Variants in NKIRAS1 observed in about 807,000 individuals in gnomAD.
NKIRAS1 encodes the protein NFKB inhibitor interacting Ras like 1.
NKIRAS1 carries 16 observed loss-of-function variants against 19.8 expected under a neutral mutation model. The ratio of observed to expected loss-of-function variants is 0.81; its 90% confidence interval spans 0.55 to 1.23. NKIRAS1 has a LOEUF of 1.23. Ranked by LOEUF, NKIRAS1 falls within the 50% of genes most tolerant of loss-of-function variation. The pLI is 0.00. For missense variants in NKIRAS1, 184 were observed against 220.0 expected (o/e 0.84, Z 1.04); for synonymous variants, 88 against 79.0 (o/e 1.11, Z -0.61).
chr3:23,921,129 A>G (rs1705054488), upstream of NKIRAS1, among the ~76,000 whole-genome samples: 1 of 148,662 alleles, frequency 6.7e-6, no homozygotes, highest in South Asian at 2.1e-4. Flanking sequence ...AGTGAGACCT[A>G]AAAACAAAAA....
upstream of NKIRAS1, chr3:23,918,642 C>T: frequency 1.9e-6 from 3 of 1,551,998 alleles, no homozygotes; most frequent in African/African-American, 1.4e-5. Context: ...AGAGATTAAG[C>T]AACTTTTCTG....
intron 1 of NKIRAS1, among the ~76,000 whole-genome samples, chr3:23,931,731 AGAG>A (rs557430449): frequency 7.1e-4 from 107 of 151,168 alleles, no homozygotes; most frequent in East Asian, 2.5e-3. Flanking sequence ...AGAGAGAGAG[AGAG>A]AGAAAGAAAG....
intron 4 of NKIRAS1, among the ~76,000 whole-genome samples, chr3:23,898,158 A>C (rs931718488): frequency 6.6e-6 from 1 of 152,170 alleles, no homozygotes; most frequent in Non-Finnish European, 1.5e-5. Context: ...TTTCGGTGGG[A>C]AAGATGGGAA....
chr3:23,916,402 C>T (rs544360297), intron 1 of NKIRAS1: 2 of 152,358 alleles, frequency 1.3e-5, no homozygotes, highest in South Asian at 2.1e-4. Flanking sequence ...GGCAAATAAA[C>T]ATTCTGCTCT....
intron 4 of NKIRAS1, among the ~76,000 whole-genome samples, chr3:23,898,378 T>C (rs528439257): frequency 6.6e-6 from 1 of 151,942 alleles, no homozygotes; most frequent in East Asian, 1.9e-4. Context: ...TGCAGTGACT[T>C]GGATGAATCT....
At chr3:23,909,863 T>TC (rs202091408) in intron 3 of NKIRAS1, among the ~76,000 whole-genome samples, 1 of 118,372 alleles carries the variant, frequency 8.4e-6, no homozygotes, top group Non-Finnish European at 1.9e-5. Context: ...TGTTTTTTTT[T>TC]GTTTTTTTTT....
intron 3 of NKIRAS1, among the ~76,000 whole-genome samples, chr3:23,906,265 GA>G (rs1180919930): frequency 6.6e-6 from 1 of 151,230 alleles, no homozygotes; most frequent in Non-Finnish European, 1.5e-5. Flanking sequence ...ACACAGCCAA[GA>G]AAAAAAATAG....
chr3:23,912,193 G>A lies in NKIRAS1; in HGVS notation c.-139-743C>T, dbSNP rs143824119. Among the ~76,000 whole-genome samples, 428 of 152,234 alleles carry A rather than the reference G, an allele frequency of 2.8e-3. 3 individuals carry two copies. The highest frequency in any genetic ancestry group is 0.01 in the African/African-American group (417 of 41,540). On this transcript the variant is annotated intron_variant, in intron 1 of 4. Coordinates refer to ENST00000425478, the MANE Select transcript of NKIRAS1 (RefSeq NM_020345.4). ...GCAACAAAAGCCAAAATAGACGAATGGGATCTAATTAAACTAAAGAGCTTC... is the reference window on the plus strand; with the variant it reads ...GCAACAAAAGCCAAAATAGACGAATAGGATCTAATTAAACTAAAGAGCTTC...
At chr3:23,916,607 C>T (rs72627082) in intron 1 of NKIRAS1, 177 bp downstream of exon 1, 1 of 152,336 alleles carries the variant, frequency 6.6e-6, no homozygotes, top group African/African-American at 2.4e-5. Context: ...CCGCGACGCC[C>T]CGACTCCGCG....
chr3:23,907,038 C>T (rs1703132265), intron 3 of NKIRAS1, among the ~76,000 whole-genome samples: 1 of 151,982 alleles, frequency 6.6e-6, no homozygotes, highest in Non-Finnish European at 1.5e-5. Context: ...AGATTACAGG[C>T]ACGTGCCACC....
chr3:23,899,120 C>T (rs1456489998), intron 4 of NKIRAS1, among the ~76,000 whole-genome samples: 1 of 152,028 alleles, frequency 6.6e-6, no homozygotes, highest in African/African-American at 2.4e-5. Flanking sequence ...CTTGAAATGA[C>T]ACAATTATAA....
Position 23,891,207 on chromosome 3 carries a change from G to A in NKIRAS1, c.*1888C>T, listed in dbSNP as rs919473621. 2.0e-5 allele frequency: 3 copies of A among 152,378 alleles called. No individual in the cohort carries two copies. Among genetic ancestry groups the A allele is most frequent in the African/African-American group, 7.2e-5 (3 of 41,456 alleles). The allele number at this position is 152,378 out of a possible 1,614,324, so 9.4% of individuals were successfully genotyped here. A position where few individuals can be genotyped will look rare whatever the true frequency, so the allele number is the denominator to read the frequency against. ...AAATACCTTAAGCTGTTAACTAACT[G>A]TAAGGCGTGGAATAGGAGTTGCTCA... On this transcript the variant is annotated 3_prime_UTR_variant, in exon 5 of 5. Coordinates refer to ENST00000425478, the MANE Select transcript of NKIRAS1 (RefSeq NM_020345.4).
intron 1 of NKIRAS1, among the ~76,000 whole-genome samples, chr3:23,940,194 G>T (rs7647644): frequency 7.4e-6 from 1 of 135,604 alleles, no homozygotes; most frequent in African/African-American, 2.8e-5. Context: ...AAAAAAAAGA[G>T]AAATTACTGG....
At chr3:23,940,921 T>C (rs1705483532) in intron 1 of NKIRAS1, among the ~76,000 whole-genome samples, 1 of 152,254 alleles carries the variant, frequency 6.6e-6, no homozygotes, top group Non-Finnish European at 1.5e-5. Flanking sequence ...TATGTGATGA[T>C]GTCGCTGCTC....
intron 1 of NKIRAS1, among the ~76,000 whole-genome samples, chr3:23,942,738 A>T (rs11713246): frequency 0.15 from 23,365 of 151,950 alleles, 2,104 homozygotes; most frequent in Non-Finnish European, 0.2. Flanking sequence ...CACAGTTTAC[A>T]TTAGGATACA....
At position 23,901,010 on chromosome 3, in the gene NKIRAS1, G is replaced by A. The variant is rs1702467657; in HGVS notation, c.134C>T (p.Ala45Val). The A allele has an allele frequency of 6.2e-7, 1 of 1,614,102 alleles. No individual in the cohort carries two copies. Among genetic ancestry groups the A allele is most frequent in the Non-Finnish European group, 8.5e-7 (1 of 1,179,988 alleles). The change falls in exon 4 of 5, where the codon GCT becomes GTT. Residue 45 changes from alanine to valine, a missense_variant. Physicochemically the swap from Ala to Val is moderately conservative, Grantham distance 64 (BLOSUM62 0). Coordinates refer to ENST00000425478, the MANE Select transcript of NKIRAS1 (RefSeq NM_020345.4). Reference protein sequence around the residue: ...DCETMEDVYMASVETDRGVKE... With the variant: ...DCETMEDVYMVSVETDRGVKE... ...TACTCCTCGGTCTGTTTCTACTGAA[G>A]CCATGTATACATCTTCCATTGTTTC... is the stretch of plus-strand genomic sequence containing the variant.
upstream of NKIRAS1, chr3:23,918,149 A>G (rs1403560171): frequency 7.0e-6 from 9 of 1,283,968 alleles, no homozygotes; most frequent in Non-Finnish European, 9.6e-6. Flanking sequence ...TTTGGCAGAA[A>G]AAAGCTAGCA....
intron 1 of NKIRAS1, among the ~76,000 whole-genome samples, chr3:23,943,817 G>T (rs552859086): frequency 6.6e-6 from 1 of 152,350 alleles, no homozygotes; most frequent in Admixed American, 6.5e-5. Flanking sequence ...AAGGGTTTGG[G>T]TATCAAGACA....
chr3:23,945,632 G>A (rs1218554891), intron 1 of NKIRAS1: 6 of 1,169,602 alleles, frequency 5.1e-6, no homozygotes, highest in Admixed American at 4.7e-5. Context: ...GATGGCCGGA[G>A]GGAGCGCTCA....
Sources: allele counts gnomAD v4.1 joint callset (sites outside exome capture counted in the v4.1 genomes callset), GRCh38; gene constraint gnomAD v4.1.1; transcripts MANE v1.5; gene names NCBI Gene and HGNC (gene_info 2026-07-23, HGNC 2026-07-21).